The following ATP11A variants were observed in gnomAD, a reference collection of about 807,000 sequenced individuals.
ATP11A encodes phospholipid-transporting ATPase IH.
Under a neutral mutation model 154.4 loss-of-function variants are expected in ATP11A, and 81 were observed. The ratio of observed to expected loss-of-function variants is 0.52; its 90% CI spans 0.44 to 0.63. ATP11A has a LOEUF of 0.63. Ranked by LOEUF, ATP11A falls within the 30% of genes least tolerant of loss-of-function variation. The pLI is 0.00. For synonymous variants in ATP11A, 623 were observed against 585.9 expected, an observed-to-expected ratio of 1.06 and a Z score of -0.91; for missense variants, 1,316 against 1,474.3, an observed-to-expected ratio of 0.89 and a Z score of 1.76.
At chr13:112,771,691 G>T (rs2077228497) in intron 1 of ATP11A, among the ~76,000 whole-genome samples, 1 of 152,184 alleles carries the variant, frequency 6.6e-6, no homozygotes, top group South Asian at 2.1e-4. Context: ...ACAAAAGCCG[G>T]GAACTGCTGG....
chr13:112,842,342 T>C lies in ATP11A; in HGVS notation c.1772T>C (p.Val591Ala), dbSNP rs767652356. ...SIFPRVIEGK[V>A]DQIRARVERN... The stretch of plus-strand genomic sequence containing the variant: ...TTCCCCCGAGTGATAGAAGGCAAAG[T>C]TGACCAGATCCGAGCCAGAGTGGAG... Residue 591 changes from valine to alanine, a missense_variant, in exon 17 of 30, where the codon GTT becomes GCT. By Grantham distance (64) the Val-to-Ala change is moderately conservative. This residue lies in a region of ATP11A where 876 missense variants were observed against 1,006.8 expected (regional missense o/e 0.87). Coordinates refer to ENST00000375645, the MANE Select transcript of ATP11A (RefSeq NM_015205.3). 24 of 1,611,282 alleles carry C rather than the reference T, an allele frequency of 1.5e-5. No individual in the cohort carries two copies. In the Admixed American group the frequency reaches 2.2e-4, roughly 15 times the overall value.
At chr13:112,822,365 C>T (rs574503905) in intron 8 of ATP11A, among the ~76,000 whole-genome samples, 4 of 152,290 alleles carry the variant, frequency 2.6e-5, no homozygotes, top group Admixed American at 6.5e-5. Flanking sequence ...GTGCACAGAA[C>T]GGGGCTTGTT....
At chr13:112,792,145 T>C (rs890845970) in intron 2 of ATP11A, among the ~76,000 whole-genome samples, 1 of 152,186 alleles carries the variant, frequency 6.6e-6, no homozygotes, top group South Asian at 2.1e-4. Context: ...GAAAATTACA[T>C]CCGGCAATAC....
intron 2 of ATP11A, among the ~76,000 whole-genome samples, chr13:112,796,747 G>A (rs189910863): frequency 2.0e-5 from 3 of 152,264 alleles, no homozygotes; most frequent in African/African-American, 4.8e-5. Context: ...CAGACTGTAC[G>A]GAGATTGACG....
At chr13:112,881,413 G>A in intron 29 of ATP11A, 1 of 1,043,444 alleles carries the variant, frequency 9.6e-7, no homozygotes, top group Non-Finnish European at 1.2e-6. Flanking sequence ...GGGGCAGTGA[G>A]TTCGCCTTTT....
intron 1 of ATP11A, among the ~76,000 whole-genome samples, chr13:112,749,497 T>C (rs2076639355): frequency 6.6e-6 from 1 of 152,186 alleles, no homozygotes; most frequent in Admixed American, 6.5e-5. Context: ...TTAAAAGTCT[T>C]ACAGATAAAA....
At chr13:112,776,084 G>A (rs143347195) in intron 1 of ATP11A, among the ~76,000 whole-genome samples, 83 of 152,338 alleles carry the variant, frequency 5.4e-4, no homozygotes, top group Non-Finnish European at 1.1e-3. Context: ...CTGCAGGCTC[G>A]GAGTCCGTGG....
At chr13:112,763,664 G>A (rs544230823) in intron 1 of ATP11A, among the ~76,000 whole-genome samples, 1 of 152,212 alleles carries the variant, frequency 6.6e-6, no homozygotes, top group African/African-American at 2.4e-5. Flanking sequence ...CCTCTACATG[G>A]AGGAACCTTG....
rs1411855709 is a variant in ATP11A, at chr13:112,849,528, T to G, written c.1810-1509T>G. On this transcript the variant is annotated intron_variant, in intron 17 of 29. Coordinates refer to ENST00000375645, the MANE Select transcript of ATP11A (RefSeq NM_015205.3). ...ATTATCCTGTAAAACCATTTTCTTG[T>G]TATGTAATTTTTCTGGTTTCAGACT... Among the ~76,000 whole-genome samples the G allele has an allele frequency of 2.0e-5, 3 of 152,244 alleles. No individual in the cohort carries two copies. In the East Asian group the frequency reaches 5.8e-4, roughly 29 times the overall value.
At chr13:112,776,471 C>T (rs1594647252) in intron 1 of ATP11A, among the ~76,000 whole-genome samples, 1 of 152,216 alleles carries the variant, frequency 6.6e-6, no homozygotes, top group African/African-American at 2.4e-5. Flanking sequence ...TGACACTGAA[C>T]GCTGCCTAAA....
intron 1 of ATP11A, among the ~76,000 whole-genome samples, chr13:112,752,140 T>C (rs984701990): frequency 2.6e-5 from 4 of 152,214 alleles, no homozygotes; most frequent in African/African-American, 9.7e-5. Flanking sequence ...GGCCTCTCAC[T>C]GTAAACCCTG....
chr13:112,718,177 CTT>C (rs1888710843), intron 1 of ATP11A, among the ~76,000 whole-genome samples: 1 of 151,982 alleles, frequency 6.6e-6, no homozygotes, highest in African/African-American at 2.4e-5. Context: ...GTGTGATAGT[CTT>C]TTTGCTTGAA....
Position 112,846,464 on chromosome 13 carries a change from G to A in ATP11A, c.1809+4085G>A, listed in dbSNP as rs180694238. 7.6e-4 allele frequency among the ~76,000 whole-genome samples: 116 copies of A among 152,244 alleles called. 1 individual carries two copies. In the East Asian group the frequency reaches 0.017, roughly 22 times the overall value. ...CGGAGTTTTCATGTCTAGAAATTCC[G>A]CCAGCGTGGTTTTGTATCCTCATGC... On this transcript the variant is annotated intron_variant, in intron 17 of 29. Coordinates refer to ENST00000375645, the MANE Select transcript of ATP11A (RefSeq NM_015205.3).
chr13:112,704,550 A>G (rs282576), intron 1 of ATP11A, among the ~76,000 whole-genome samples: 126,604 of 152,270 alleles, frequency 0.83, 53,116 homozygotes, highest in East Asian at 0.96. Context: ...TTGTATCTGG[A>G]GCACGTGAGA....
intron 2 of ATP11A, among the ~76,000 whole-genome samples, chr13:112,803,893 C>T (rs1243977002): frequency 2.0e-4 from 22 of 109,246 alleles, no homozygotes; most frequent in African/African-American, 8.0e-4. Context: ...CCTCATTCCC[C>T]TCCTTCCCTC....
chr13:112,774,396 T>A (rs1294340654), intron 1 of ATP11A, among the ~76,000 whole-genome samples: 1 of 152,298 alleles, frequency 6.6e-6, no homozygotes, highest in Middle Eastern at 3.4e-3. Flanking sequence ...CTTGAGAAGA[T>A]GTCACACCTG....
In ATP11A at chr13:112,766,587, C is replaced by T. The variant is rs548654512; in HGVS notation, c.40-18548C>T. Among the ~76,000 whole-genome samples, 82 of 151,666 alleles carry T rather than the reference C, an allele frequency of 5.4e-4. 3 individuals carry two copies. Among genetic ancestry groups the T allele is most frequent in the Non-Finnish European group, 5.0e-4 (34 of 68,012 alleles). ...TGGGGTCAGGGTCCTTGCAGGACCACCGTCACATGCTTGCATCCGTCTCCC... is the reference window on the plus strand; with the variant it reads ...TGGGGTCAGGGTCCTTGCAGGACCATCGTCACATGCTTGCATCCGTCTCCC... On this transcript the variant is annotated intron_variant, in intron 1 of 29. Coordinates refer to ENST00000375645, the MANE Select transcript of ATP11A (RefSeq NM_015205.3).
chr13:112,712,394 C>T (rs1409792296), intron 1 of ATP11A, among the ~76,000 whole-genome samples: 1 of 152,196 alleles, frequency 6.6e-6, no homozygotes, highest in African/African-American at 2.4e-5. Context: ...AAATGGCCCT[C>T]AAAGCCCTAC....
intron 20 of ATP11A, chr13:112,856,869 C>G (rs1211438625): frequency 3.3e-5 from 5 of 152,192 alleles, no homozygotes; most frequent in Admixed American, 6.5e-5. Context: ...AAAAGTTGAG[C>G]CTTTGTGCAT....
Sources: allele counts gnomAD v4.1 joint callset (sites outside exome capture counted in the v4.1 genomes callset), GRCh38; gene constraint gnomAD v4.1.1; regional missense constraint gnomAD v4.1.1; transcripts MANE v1.5; gene names NCBI Gene and HGNC (gene_info 2026-07-23, HGNC 2026-07-21).